EPHB1: variants seen among roughly 807,000 people sequenced by gnomAD.
EPHB1 encodes the protein EPH receptor B1, also known as ephrin type-B receptor 1.
EPHB1 carries 30 observed loss-of-function variants against 94.4 expected under a neutral mutation model. The observed-to-expected ratio is 0.32, with a 90% CI of 0.24 to 0.43. The LOEUF is 0.43. Among genes scored for constraint, EPHB1 ranks in the 20% least tolerant of loss-of-function variants. The pLI, the probability that EPHB1 is intolerant of heterozygous loss-of-function variation, is 1.00. For missense variants in EPHB1, 1,055 were observed against 1,308.3 expected, an observed-to-expected ratio of 0.81 and a Z score of 2.99; for synonymous variants, 522 against 489.1, an observed-to-expected ratio of 1.07 and a Z score of -0.89.
intron 5 of EPHB1, among the ~76,000 whole-genome samples, chr3:135,147,515 T>A (rs186666873): frequency 1.3e-5 from 2 of 152,148 alleles, no homozygotes; most frequent in East Asian, 3.9e-4. Context: ...CCTATGAGGG[T>A]AAAAGTGGTT....
At chr3:134,993,283 T>A (rs1223326198) in intron 3 of EPHB1, among the ~76,000 whole-genome samples, 1 of 152,184 alleles carries the variant, frequency 6.6e-6, no homozygotes, top group Non-Finnish European at 1.5e-5. Context: ...AACAGATAGA[T>A]CTCATCCTGG....
At chr3:135,020,124 T>G in intron 3 of EPHB1, among the ~76,000 whole-genome samples, 1 of 152,246 alleles carries the variant, frequency 6.6e-6, no homozygotes, top group Non-Finnish European at 1.5e-5. Flanking sequence ...TTTTCCAGCT[T>G]TCCAATGGTG....
chr3:135,017,555 A>T (rs754184312), intron 3 of EPHB1, among the ~76,000 whole-genome samples: 3 of 152,080 alleles, frequency 2.0e-5, no homozygotes, highest in Non-Finnish European at 4.4e-5. Context: ...TGCTTCCCGT[A>T]GCTCCCACAG....
chr3:134,961,064 G>T (rs1578233134), intron 3 of EPHB1, among the ~76,000 whole-genome samples: 1 of 152,254 alleles, frequency 6.6e-6, no homozygotes, highest in East Asian at 1.9e-4. Flanking sequence ...CCACTCTTTA[G>T]GTCATGCGGG....
intron 1 of EPHB1, among the ~76,000 whole-genome samples, chr3:134,805,262 T>A (rs1189712019): frequency 7.9e-5 from 12 of 152,188 alleles, no homozygotes; most frequent in Admixed American, 7.9e-4. Flanking sequence ...TCTCAGCTCC[T>A]TTGACAATGC....
chr3:135,178,224 A>AGGAG (rs1553744897), intron 9 of EPHB1, among the ~76,000 whole-genome samples: 2 of 139,422 alleles, frequency 1.4e-5, no homozygotes, highest in Non-Finnish European at 3.0e-5. Context: ...GAGGCCGGGG[A>AGGAG]GGGGGGGTGG....
At chr3:134,909,120 G>GGGAGGGGT (rs1553864851) in intron 1 of EPHB1, among the ~76,000 whole-genome samples, 2 of 110,574 alleles carry the variant, frequency 1.8e-5, no homozygotes, top group African/African-American at 3.6e-5. Flanking sequence ...GGGGGCGGGG[G>GGGAGGGGT]GCGGGCTGGA....
chr3:135,085,568 C>A (rs1245409426), intron 3 of EPHB1, among the ~76,000 whole-genome samples: 1 of 152,194 alleles, frequency 6.6e-6, no homozygotes, highest in East Asian at 1.9e-4. Flanking sequence ...ATTGTGCCTG[C>A]CTCAGATGGA....
At chr3:135,049,748 T>A (rs1284706065) in intron 3 of EPHB1, among the ~76,000 whole-genome samples, 1 of 152,230 alleles carries the variant, frequency 6.6e-6, no homozygotes, top group Non-Finnish European at 1.5e-5. Context: ...TAATATGTGA[T>A]CAGAGAAGTC....
chr3:135,021,949 G>T (rs1172105415), intron 3 of EPHB1, among the ~76,000 whole-genome samples: 1 of 152,046 alleles, frequency 6.6e-6, no homozygotes, highest in Non-Finnish European at 1.5e-5. Flanking sequence ...TCAATTTTAG[G>T]ATCAACCTTA....
chr3:134,935,926 C>CTT, intron 2 of EPHB1, among the ~76,000 whole-genome samples: 1 of 152,292 alleles, frequency 6.6e-6, no homozygotes, highest in South Asian at 2.1e-4. Context: ...CTCACTGGGA[C>CTT]CCTGCAAGGA....
intron 2 of EPHB1, among the ~76,000 whole-genome samples, chr3:134,928,650 A>G (rs1049325832): frequency 3.3e-5 from 5 of 152,164 alleles, no homozygotes; most frequent in South Asian, 2.1e-4. Flanking sequence ...ACCCACGGGA[A>G]GGTGTGCCAT....
At chr3:135,214,454 C>T (rs1459156236) in intron 12 of EPHB1, among the ~76,000 whole-genome samples, 2 of 152,198 alleles carry the variant, frequency 1.3e-5, no homozygotes, top group African/African-American at 4.8e-5. Flanking sequence ...GGACAAGGGA[C>T]AGCCTTTCTA....
intron 2 of EPHB1, 131 bp downstream of exon 2, chr3:134,926,011 T>G (rs2038784737): frequency 1.4e-6 from 1 of 717,232 alleles, no homozygotes; most frequent in South Asian, 2.4e-5. Flanking sequence ...CTGTGTCCAC[T>G]GCCCATCCAT....
At chr3:134,848,082 A>G (rs769471466) in intron 1 of EPHB1, among the ~76,000 whole-genome samples, 4 of 152,190 alleles carry the variant, frequency 2.6e-5, no homozygotes, top group Non-Finnish European at 4.4e-5. Flanking sequence ...ACCCTAGCCC[A>G]CATTCATAGT....
intron 2 of EPHB1, among the ~76,000 whole-genome samples, chr3:134,928,759 G>T (rs1365455232): frequency 1.3e-5 from 2 of 152,210 alleles, no homozygotes; most frequent in African/African-American, 2.4e-5. Flanking sequence ...AGTGTCCAGA[G>T]AGGAAAGAGG....
chr3:135,193,118 AG>A (rs1401229197), intron 11 of EPHB1, among the ~76,000 whole-genome samples: 2 of 152,218 alleles, frequency 1.3e-5, no homozygotes, highest in African/African-American at 2.4e-5. Flanking sequence ...CAGAGATTGA[AG>A]AGACTTTTGG....
At chr3:135,115,514 C>G (rs1939658552) in intron 4 of EPHB1, among the ~76,000 whole-genome samples, 2 of 152,188 alleles carry the variant, frequency 1.3e-5, no homozygotes, top group South Asian at 4.1e-4. Context: ...CAGAGCTATT[C>G]TGGTACCAGA....
At chr3:134,956,915 G>T (rs944234598) in intron 3 of EPHB1, among the ~76,000 whole-genome samples, 1 of 152,094 alleles carries the variant, frequency 6.6e-6, no homozygotes, top group African/African-American at 2.4e-5. Context: ...CATCTGCCCA[G>T]GCCCAGCTCC....
Sources: allele counts gnomAD v4.1 joint callset (sites outside exome capture counted in the v4.1 genomes callset), GRCh38; gene constraint gnomAD v4.1.1; transcripts MANE v1.5; gene names NCBI Gene and HGNC (gene_info 2026-07-23, HGNC 2026-07-21).